Variants in SMAD2 observed in about 807,000 individuals in gnomAD.
SMAD2 encodes the protein MAD homolog 2.
Under a neutral mutation model 64.4 loss-of-function variants are expected in SMAD2, and 8 were observed. The observed-to-expected ratio is 0.12, with a 90% CI of 0.07 to 0.22. The LOEUF (loss-of-function observed/expected upper bound fraction) is 0.22. Ranked by LOEUF, SMAD2 falls within the 10% of genes least tolerant of loss-of-function variation. SMAD2 has a pLI of 1.00. For synonymous variants in SMAD2, 203 were observed against 195.8 expected, an observed-to-expected ratio of 1.04 and a Z score of -0.31; for missense variants, 289 against 561.2, an observed-to-expected ratio of 0.51 and a Z score of 4.90.
Position 47,919,469 on chromosome 18 carries a change from T to TACACAC in SMAD2, c.-54+10886_-54+10891dup, listed in dbSNP as rs66523523. 3.1e-3 allele frequency among the ~76,000 whole-genome samples: 407 copies of TACACAC among 129,938 alleles called. 4 individuals are homozygous for TACACAC. Among genetic ancestry groups the TACACAC allele is most frequent in the African/African-American group, 0.011 (380 of 33,468 alleles). The allele number at this position is 129,938 out of a possible 152,430, so 85.2% of individuals were successfully genotyped here. ...TGTGACCTTGTCTCAAAAAAAAAAA[T>TACACAC]ACACACACACACACACACACACACA... On this transcript the variant is annotated intron_variant, in intron 1 of 10. Coordinates refer to ENST00000262160, the MANE Select transcript of SMAD2 (RefSeq NM_005901.6).
intron 1 of SMAD2, among the ~76,000 whole-genome samples, chr18:47,923,392 AAC>A: frequency 6.6e-6 from 1 of 152,308 alleles, no homozygotes; most frequent in South Asian, 2.1e-4. Context: ...AGTGCCACCC[AAC>A]ACAACTTTAT....
chr18:47,889,770 CAA>C (rs762837949), intron 2 of SMAD2, among the ~76,000 whole-genome samples: 19 of 95,104 alleles, frequency 2.0e-4, no homozygotes, highest in Admixed American at 3.5e-4. Context: ...GACTCCATCT[CAA>C]AAAAAAAAAA....
chr18:47,925,482 G>C (rs2034724806), intron 1 of SMAD2, among the ~76,000 whole-genome samples: 1 of 152,094 alleles, frequency 6.6e-6, no homozygotes, highest in Non-Finnish European at 1.5e-5. Context: ...CCAAACTAAA[G>C]GCAGTGTCTA....
chr18:47,865,516 C>G (rs914662389), intron 5 of SMAD2, among the ~76,000 whole-genome samples: 1 of 151,964 alleles, frequency 6.6e-6, no homozygotes, highest in Non-Finnish European at 1.5e-5. Flanking sequence ...TAATGAACAT[C>G]GTTATTTTAT....
chr18:47,843,942 C>T (rs1198267865), intron 10 of SMAD2, among the ~76,000 whole-genome samples: 1 of 147,460 alleles, frequency 6.8e-6, no homozygotes, highest in Admixed American at 6.9e-5. Context: ...CCATATTTTG[C>T]ATTATTCTAA....
intron 4 of SMAD2, among the ~76,000 whole-genome samples, chr18:47,868,846 GAA>G (rs1568064660): frequency 6.6e-6 from 1 of 152,100 alleles, no homozygotes; most frequent in Non-Finnish European, 1.5e-5. Context: ...CTAACTAAAT[GAA>G]AAGTCTTGTT....
chr18:47,910,477 G>A (rs538112446), intron 1 of SMAD2, among the ~76,000 whole-genome samples: 3 of 152,324 alleles, frequency 2.0e-5, no homozygotes, highest in East Asian at 3.9e-4. Context: ...AGCAAAAGGT[G>A]TAAGGAGGAC....
In SMAD2 at chr18:47,837,328, C is replaced by T. The variant is rs1164249520; in HGVS notation, c.*4499G>A. 2.6e-5 allele frequency: 5 copies of T among 189,966 alleles called. No homozygotes were observed. The highest frequency in any genetic ancestry group is 2.0e-4 in the South Asian group (1 of 5,128). 11.8% of individuals were successfully genotyped at this position (189,966 alleles called of 1,614,324 possible). A position where few individuals can be genotyped will look rare whatever the true frequency, so the allele number is the denominator to read the frequency against. ...CTGTAATCCCAGCACTTTGGGAAGC[C>T]GAGGTGGACAGATCACGAGGTCAGG... On this transcript the variant is annotated 3_prime_UTR_variant, in exon 11 of 11. Transcript: ENST00000262160.
In SMAD2 at chr18:47,877,924, C is replaced by T. The variant is rs964365906; in HGVS notation, c.237-7360G>A. On this transcript the variant is annotated intron_variant, in intron 2 of 10. Coordinates refer to ENST00000262160, the MANE Select transcript of SMAD2 (RefSeq NM_005901.6). The stretch of plus-strand genomic sequence containing the variant: ...TGCTCACATTCCTTCATAATTAAGG[C>T]ATAATTGGGCAGTAATTAAATCTGG... Among the ~76,000 whole-genome samples the T allele has an allele frequency of 8.6e-4, 131 of 152,272 alleles. 1 individual carries two copies. Among genetic ancestry groups the T allele is most frequent in the African/African-American group, 3.0e-3 (126 of 41,574 alleles).
At chr18:47,925,776 TAATTATCTG>T (rs1471372417) in intron 1 of SMAD2, among the ~76,000 whole-genome samples, 2 of 152,152 alleles carry the variant, frequency 1.3e-5, no homozygotes, top group Middle Eastern at 3.2e-3. Flanking sequence ...AGGTCACCAA[TAATTATCTG>T]ATGGTGTAGA....
chr18:47,837,920 T>C lies in SMAD2; in HGVS notation c.*3907A>G. 4.3e-6 allele frequency: 1 copy of C among 232,628 alleles called. No individual in the cohort carries two copies. Among genetic ancestry groups the C allele is most frequent in the Admixed American group, 5.6e-5 (1 of 17,764 alleles). The allele number at this position is 232,628 out of a possible 1,614,324, so 14.4% of individuals were successfully genotyped here. A position where few individuals can be genotyped will look rare whatever the true frequency, so the allele number is the denominator to read the frequency against. The stretch of plus-strand genomic sequence containing the variant: ...ACAGTGAAGATTGTCTTGTGTTACT[T>C]TATATCCCAACATAAACCTACGCCA... On this transcript the variant is annotated 3_prime_UTR_variant, in exon 11 of 11. Coordinates refer to ENST00000262160, the MANE Select transcript of SMAD2 (RefSeq NM_005901.6).
intron 10 of SMAD2, among the ~76,000 whole-genome samples, chr18:47,842,329 C>T (rs561095171): frequency 1.3e-5 from 2 of 152,244 alleles, no homozygotes; most frequent in East Asian, 3.9e-4. Context: ...ATCACAAGGT[C>T]AAGAGATTGA....
rs1287266592 is a variant in SMAD2 at position 47,819,216 on chromosome 18, G to C, written c.*22611C>G. 2.0e-5 allele frequency: 3 copies of C among 152,078 alleles called. No individual in the cohort carries two copies. The highest frequency in any genetic ancestry group is 4.4e-5 in the Non-Finnish European group (3 of 68,020). The allele number at this position is 152,078 out of a possible 1,614,324, so 9.4% of individuals were successfully genotyped here. On this transcript the variant is annotated 3_prime_UTR_variant, in exon 11 of 11. Coordinates refer to ENST00000262160, the MANE Select transcript of SMAD2 (RefSeq NM_005901.6). The stretch of plus-strand genomic sequence containing the variant: ...ATAAGTGTCTTTAAAATTTTTGCCT[G>C]AATTTACTACTCAGTTTTATATTTG...
intron 7 of SMAD2, among the ~76,000 whole-genome samples, chr18:47,849,137 G>T (rs754923425): frequency 2.6e-5 from 4 of 151,886 alleles, no homozygotes; most frequent in Non-Finnish European, 5.9e-5. Context: ...ATAATAAAAG[G>T]ATACAAAATA....
intron 2 of SMAD2, among the ~76,000 whole-genome samples, chr18:47,889,042 C>T (rs930260289): frequency 1.3e-5 from 2 of 151,722 alleles, no homozygotes; most frequent in Non-Finnish European, 2.9e-5. Flanking sequence ...AGACTGAATA[C>T]AGCACAAAAA....
intron 1 of SMAD2, among the ~76,000 whole-genome samples, chr18:47,913,732 T>C (rs2144521980): frequency 6.6e-6 from 1 of 152,344 alleles, no homozygotes; most frequent in South Asian, 2.1e-4. Flanking sequence ...AAACTAGATT[T>C]ATAATCAAGT....
chr18:47,893,879 T>C (rs2033319392), intron 2 of SMAD2, among the ~76,000 whole-genome samples: 1 of 152,148 alleles, frequency 6.6e-6, no homozygotes, highest in South Asian at 2.1e-4. Context: ...ATTAGGCAAA[T>C]TTCTACGCTT....
At chr18:47,848,423 A>C in intron 8 of SMAD2, 52 bp downstream of exon 8, 1 of 1,338,716 alleles carries the variant, frequency 7.5e-7, no homozygotes, top group South Asian at 1.2e-5. Flanking sequence ...TGCAATGCCT[A>C]CATTATGAGT....
At chr18:47,918,944 C>G (rs1381724955) in intron 1 of SMAD2, among the ~76,000 whole-genome samples, 1 of 151,942 alleles carries the variant, frequency 6.6e-6, no homozygotes, top group African/African-American at 2.4e-5. Context: ...TAAGAAAAAG[C>G]CCCTGAACTG....
Sources: gnomAD v4.1 joint callset for allele counts (sites outside exome capture counted in the v4.1 genomes callset) on GRCh38, gnomAD v4.1.1 for gene constraint, MANE v1.5 for transcripts, NCBI Gene and HGNC (gene_info 2026-07-23, HGNC 2026-07-21) for gene names.